EFCAB11: variants seen among roughly 807,000 people sequenced by gnomAD.
EFCAB11 encodes the protein EF-hand calcium binding domain 11, also known as EF-hand calcium-binding domain-containing protein 11.
Under a neutral mutation model 23.0 loss-of-function variants are expected in EFCAB11, and 14 were observed. That is an observed-to-expected ratio of 0.61 (90% CI 0.40 to 0.95). The LOEUF (loss-of-function observed/expected upper bound fraction) is 0.95, where lower values mean the gene tolerates loss of function less well. Ranked by LOEUF, EFCAB11 falls within the 40% of genes least tolerant of loss-of-function variation. EFCAB11 has a pLI of 0.00. For missense variants in EFCAB11, 198 were observed against 195.8 expected, an observed-to-expected ratio of 1.01 and a Z score of -0.07; for synonymous variants, 65 against 66.6, an observed-to-expected ratio of 0.98 and a Z score of 0.11.
intron 5 of EFCAB11, chr14:89,892,123 G>A (rs1197117957): frequency 6.4e-7 from 1 of 1,553,018 alleles, no homozygotes; most frequent in Non-Finnish European, 8.7e-7. Context: ...GGCACCAGGA[G>A]GTCATGGCCA....
intron 5 of EFCAB11, among the ~76,000 whole-genome samples, chr14:89,870,235 A>G (rs1035536990): frequency 6.6e-6 from 1 of 152,118 alleles, no homozygotes; most frequent in African/African-American, 2.4e-5. Context: ...TTTTAAAATA[A>G]TCTTAGATTA....
At chr14:89,863,848 C>T (rs1490186786) in intron 5 of EFCAB11, among the ~76,000 whole-genome samples, 2 of 152,130 alleles carry the variant, frequency 1.3e-5, no homozygotes, top group Non-Finnish European at 2.9e-5. Flanking sequence ...CCTGTACTAA[C>T]TAGTCAAGTA....
chr14:89,867,839 C>T (rs893603434), intron 5 of EFCAB11, among the ~76,000 whole-genome samples: 3 of 152,174 alleles, frequency 2.0e-5, no homozygotes, highest in Non-Finnish European at 4.4e-5. Context: ...GTGGAGGACA[C>T]TGGGAACCCC....
intron 5 of EFCAB11, among the ~76,000 whole-genome samples, chr14:89,856,589 A>C (rs116674663): frequency 6.6e-6 from 1 of 152,170 alleles, no homozygotes; most frequent in African/African-American, 2.4e-5. Context: ...ACCTTTGCCA[A>C]TATTGGTTAT....
chr14:89,950,226 G>C, intron 2 of EFCAB11, 84 bp from the exon 3 acceptor site: 1 of 1,392,590 alleles, frequency 7.2e-7, no homozygotes. Context: ...GTGGGAATAA[G>C]GATCTATTTT....
chr14:89,911,556 T>C (rs1476144373), intron 5 of EFCAB11, among the ~76,000 whole-genome samples: 1 of 152,264 alleles, frequency 6.6e-6, no homozygotes, highest in Admixed American at 6.5e-5. Flanking sequence ...AAGGACTGCC[T>C]GTAGCAGCCT....
At chr14:89,900,308 T>A (rs942467883) in intron 5 of EFCAB11, among the ~76,000 whole-genome samples, 1 of 152,048 alleles carries the variant, frequency 6.6e-6, no homozygotes, top group Admixed American at 6.6e-5. Flanking sequence ...CATACACGAA[T>A]GATTAAAAAA....
At chr14:89,821,783 C>G (rs1886527736) in intron 5 of EFCAB11, among the ~76,000 whole-genome samples, 1 of 152,168 alleles carries the variant, frequency 6.6e-6, no homozygotes, top group Non-Finnish European at 1.5e-5. Flanking sequence ...TAAACACCTC[C>G]TCCTCTATGT....
At chr14:89,896,845 T>C (rs1397183273) in intron 5 of EFCAB11, among the ~76,000 whole-genome samples, 1 of 152,148 alleles carries the variant, frequency 6.6e-6, no homozygotes, top group Non-Finnish European at 1.5e-5. Flanking sequence ...CACCTCAGCC[T>C]CCACAGTAGC....
rs149333038 is a variant in EFCAB11 at position 89,914,115 on chromosome 14, T to TC, written c.410+17425dup. ...GCAGATTCAGATCAACATGGAAACA[T>TC]CCCAGGGTAGACGGGCAAATATCTG... On this transcript the variant is annotated intron_variant, in intron 5 of 5. Coordinates refer to ENST00000316738, the MANE Select transcript of EFCAB11 (RefSeq NM_145231.4). 2.4e-3 allele frequency among the ~76,000 whole-genome samples: 365 copies of TC among 152,316 alleles called. 1 individual carries two copies. Among genetic ancestry groups the TC allele is most frequent in the African/African-American group, 8.6e-3 (358 of 41,556 alleles).
At chr14:89,887,752 A>C (rs1168120656) in intron 5 of EFCAB11, among the ~76,000 whole-genome samples, 2 of 152,252 alleles carry the variant, frequency 1.3e-5, no homozygotes, top group African/African-American at 4.8e-5. Context: ...TAAAGAAAGC[A>C]AACTTAGGCA....
chr14:89,897,371 C>T (rs1566802041), intron 5 of EFCAB11, among the ~76,000 whole-genome samples: 1 of 152,066 alleles, frequency 6.6e-6, no homozygotes, highest in Non-Finnish European at 1.5e-5. Context: ...CCAAGCCCAA[C>T]TAATTTTTTC....
In EFCAB11 at chr14:89,907,627, C is replaced by G. The variant is rs558037495; in HGVS notation, c.410+23914G>C. On this transcript the variant is annotated intron_variant, in intron 5 of 5. Coordinates refer to ENST00000316738, the MANE Select transcript of EFCAB11 (RefSeq NM_145231.4). ...TTCTATTGAAACTGAACTGGAAAGG[C>G]CTTTAAATAAAATGGTTCCTTCAAA... Among the ~76,000 whole-genome samples the G allele has an allele frequency of 2.0e-5, 3 of 152,184 alleles. No homozygotes were observed. In the East Asian group the frequency reaches 5.8e-4, roughly 29 times the overall value.
At chr14:89,894,165 C>T (rs1271491620) in intron 5 of EFCAB11, among the ~76,000 whole-genome samples, 4 of 151,994 alleles carry the variant, frequency 2.6e-5, no homozygotes, top group East Asian at 1.9e-4. Flanking sequence ...TTAGCCAGAA[C>T]GGTCTCGATC....
chr14:89,896,471 G>A (rs1033978948), intron 5 of EFCAB11, among the ~76,000 whole-genome samples: 1 of 151,908 alleles, frequency 6.6e-6, no homozygotes, highest in African/African-American at 2.4e-5. Context: ...AAATTGATAT[G>A]AATTATTGAA....
chr14:89,814,768 T>A (rs1266665046), intron 5 of EFCAB11, among the ~76,000 whole-genome samples: 2 of 151,884 alleles, frequency 1.3e-5, no homozygotes, highest in Non-Finnish European at 2.9e-5. Context: ...GAGGCTCAGA[T>A]GCACGAAGCT....
chr14:89,871,465 G>C (rs1446097194), intron 5 of EFCAB11, among the ~76,000 whole-genome samples: 2 of 152,156 alleles, frequency 1.3e-5, no homozygotes, highest in African/African-American at 2.4e-5. Flanking sequence ...AAGTCTTCCT[G>C]CCTGGAGGAG....
intron 3 of EFCAB11, among the ~76,000 whole-genome samples, chr14:89,943,000 C>G (rs986591216): frequency 2.0e-5 from 3 of 152,072 alleles, no homozygotes; most frequent in Non-Finnish European, 2.9e-5. Flanking sequence ...GGACTCTGGC[C>G]CTTCCTAAAA....
At chr14:89,809,834 G>C (rs1181046726) in intron 5 of EFCAB11, among the ~76,000 whole-genome samples, 1 of 152,182 alleles carries the variant, frequency 6.6e-6, no homozygotes, top group African/African-American at 2.4e-5. Context: ...CTCTTTAAAA[G>C]AGGATAAACA....
Sources: allele counts gnomAD v4.1 joint callset (sites outside exome capture counted in the v4.1 genomes callset), GRCh38; gene constraint gnomAD v4.1.1; transcripts MANE v1.5; gene names NCBI Gene and HGNC (gene_info 2026-07-23, HGNC 2026-07-21).